Variants in ST7 observed in about 807,000 individuals in gnomAD.
ST7 encodes suppression of tumorigenicity 7, also known as suppressor of tumorigenicity 7 protein.
In ST7, 28 loss-of-function variants were observed where a neutral mutation model predicts 78.7. The observed-to-expected ratio is 0.36, with a 90% CI of 0.26 to 0.49. The LOEUF (loss-of-function observed/expected upper bound fraction) is 0.49, where lower values mean the gene tolerates loss of function less well. Among genes scored for constraint, ST7 ranks in the 20% least tolerant of loss-of-function variants. The pLI, the probability that ST7 is intolerant of heterozygous loss-of-function variation, is 0.99. For synonymous variants in ST7, 247 were observed against 249.6 expected (o/e 0.99, Z 0.10); for missense variants, 418 against 696.0 (o/e 0.60, Z 4.49).
chr7:117,138,672 C>A, intron 9 of ST7, 140 bp downstream of exon 9: 1 of 531,148 alleles, frequency 1.9e-6, no homozygotes, highest in Non-Finnish European at 3.4e-6. Context: ...CTCTAGTTCC[C>A]AATTTACTAG....
At chr7:116,979,810 C>T (rs1490587908) in intron 1 of ST7, among the ~76,000 whole-genome samples, 1 of 152,064 alleles carries the variant, frequency 6.6e-6, no homozygotes, top group Non-Finnish European at 1.5e-5. Flanking sequence ...TATCCTAGGC[C>T]TTCTACCGTG....
Position 117,022,290 on chromosome 7 carries a change from G to A in ST7, c.151+68599G>A, listed in dbSNP as rs139144929. Reference sequence around the variant, plus strand: ...AGGTTTTTAGCATTTTTTGTCTTTCGTGAGTGTTAAGCTCTGTTTCTTGCT... The same window carrying A: ...AGGTTTTTAGCATTTTTTGTCTTTCATGAGTGTTAAGCTCTGTTTCTTGCT... On this transcript the variant is annotated intron_variant, in intron 1 of 15. Transcript: ENST00000323984. Among the ~76,000 whole-genome samples the A allele has an allele frequency of 7.1e-3, 1,080 of 152,248 alleles. 10 individuals carry two copies. The highest frequency in any genetic ancestry group is 0.024 in the African/African-American group (1,011 of 41,538).
intron 1 of ST7, among the ~76,000 whole-genome samples, chr7:117,004,657 T>G (rs1795084128): frequency 6.6e-6 from 1 of 151,942 alleles, no homozygotes; most frequent in Admixed American, 6.6e-5. Flanking sequence ...CAACACCCTG[T>G]CTCAAAATAA....
Position 117,135,964 on chromosome 7 carries a change from C to T in ST7, c.711-117C>T, listed in dbSNP as rs557495455. The T allele has an allele frequency of 2.9e-6, 3 of 1,031,588 alleles. No individual in the cohort carries two copies. The South Asian group carries it at 4.6e-5, about 16-fold the overall frequency. The allele number at this position is 1,031,588 out of a possible 1,614,324, so 63.9% of individuals were successfully genotyped here. On this transcript the variant is annotated intron_variant, in intron 7 of 15. Transcript: ENST00000323984. ...GCAACTACAAACAGGAGTGCATGAACCAGTTGGCCACTCTGCATGTTTTGG... is the reference window on the plus strand; with the variant it reads ...GCAACTACAAACAGGAGTGCATGAATCAGTTGGCCACTCTGCATGTTTTGG...
At chr7:117,027,585 C>T (rs534588842) in intron 1 of ST7, among the ~76,000 whole-genome samples, 2 of 151,514 alleles carry the variant, frequency 1.3e-5, no homozygotes, top group South Asian at 2.1e-4. Flanking sequence ...CCAGAAATGT[C>T]TCTCTTTAGA....
At chr7:116,994,019 T>C (rs12155500) in intron 1 of ST7, among the ~76,000 whole-genome samples, 8,068 of 152,336 alleles carry the variant, frequency 0.053, 282 homozygotes, top group Non-Finnish European at 0.082. Flanking sequence ...TCATATCATT[T>C]ACCATTTTGA....
At chr7:117,176,043 A>G (rs1281493071) in intron 10 of ST7, among the ~76,000 whole-genome samples, 2 of 152,216 alleles carry the variant, frequency 1.3e-5, no homozygotes, top group Admixed American at 1.3e-4. Context: ...AAGACATGCC[A>G]GGGATTTTTA....
intron 1 of ST7, chr7:116,972,968 C>T (rs1420212718): frequency 3.4e-6 from 3 of 890,662 alleles, no homozygotes; most frequent in Non-Finnish European, 1.8e-6. Context: ...CTTGGTGTTG[C>T]AGCCTCCTCT....
Position 117,099,448 on chromosome 7 carries a change from A to G in ST7, c.152-314A>G, listed in dbSNP as rs150614816. Among the ~76,000 whole-genome samples, 833 of 152,338 alleles carry G rather than the reference A, an allele frequency of 5.5e-3. 4 individuals carry two copies. Among genetic ancestry groups the G allele is most frequent in the African/African-American group, 0.015 (620 of 41,576 alleles). On this transcript the variant is annotated intron_variant, in intron 1 of 15. Transcript: ENST00000323984. ...TTCTCTTTTTGGCTAACAGTTTTGTAATCAACTTTGATTAAACTCTTCCAT... is the reference window on the plus strand; with the variant it reads ...TTCTCTTTTTGGCTAACAGTTTTGTGATCAACTTTGATTAAACTCTTCCAT...
intron 1 of ST7, among the ~76,000 whole-genome samples, chr7:117,013,937 T>C (rs1795487342): frequency 6.6e-6 from 1 of 152,268 alleles, no homozygotes; most frequent in Admixed American, 6.5e-5. Flanking sequence ...GCACTTTTGA[T>C]ATTGTATTGA....
At chr7:117,169,885 C>T (rs983872341) in intron 9 of ST7, among the ~76,000 whole-genome samples, 27 of 146,968 alleles carry the variant, frequency 1.8e-4, no homozygotes, top group African/African-American at 6.5e-4. Context: ...TAAGCTTCTT[C>T]CCTGCCACCT....
intron 1 of ST7, among the ~76,000 whole-genome samples, chr7:116,975,153 G>A (rs907616611): frequency 2.0e-5 from 3 of 152,280 alleles, no homozygotes; most frequent in East Asian, 3.9e-4. Flanking sequence ...GGCAGAAGGC[G>A]AAGGAGGAGC....
chr7:117,137,506 C>A (rs1170761024), intron 8 of ST7, among the ~76,000 whole-genome samples: 2 of 152,066 alleles, frequency 1.3e-5, no homozygotes, highest in African/African-American at 2.4e-5. Flanking sequence ...TAAATTAAAT[C>A]TTTTCAACCT....
At position 116,975,114 on chromosome 7, in the gene ST7, C is replaced by T. The variant is rs540748207; in HGVS notation, c.151+21423C>T. ...AAAGAGGTTTAATGGACTCACAGTTCCACATGGCTGAGGAGGCTTCATAGT... is the reference window on the plus strand; with the variant it reads ...AAAGAGGTTTAATGGACTCACAGTTTCACATGGCTGAGGAGGCTTCATAGT... On this transcript the variant is annotated intron_variant, in intron 1 of 15. Transcript: ENST00000323984. 3.9e-5 allele frequency among the ~76,000 whole-genome samples: 6 copies of T among 152,280 alleles called. No homozygotes were observed. The South Asian group carries it at 1.2e-3, about 32-fold the overall frequency.
chr7:117,066,764 C>CAAAA (rs35246518), intron 1 of ST7, among the ~76,000 whole-genome samples: 114 of 74,734 alleles, frequency 1.5e-3, no homozygotes, highest in African/African-American at 5.9e-3. Flanking sequence ...GACTCCGTCT[C>CAAAA]AAAAAAAAAA....
chr7:117,052,187 T>C (rs1470116564), intron 1 of ST7, among the ~76,000 whole-genome samples: 3 of 152,190 alleles, frequency 2.0e-5, no homozygotes, highest in African/African-American at 7.2e-5. Context: ...CCATCACTTA[T>C]TGCTGTGGTG....
At chr7:117,210,439 G>T (rs981103423) in intron 13 of ST7, among the ~76,000 whole-genome samples, 1 of 152,214 alleles carries the variant, frequency 6.6e-6, no homozygotes, top group African/African-American at 2.4e-5. Context: ...TTTGCTAGGA[G>T]GTGTAGCATT....
chr7:117,037,422 AG>A (rs1796949828), intron 1 of ST7, among the ~76,000 whole-genome samples: 1 of 152,186 alleles, frequency 6.6e-6, no homozygotes, highest in African/African-American at 2.4e-5. Flanking sequence ...TGATCCAAAA[AG>A]GTTGGCCATG....
At chr7:117,125,099 G>A (rs1803718350) in intron 3 of ST7, among the ~76,000 whole-genome samples, 1 of 152,136 alleles carries the variant, frequency 6.6e-6, no homozygotes, top group Admixed American at 6.6e-5. Flanking sequence ...GATTATCTTA[G>A]CCAGTGTTTT....
Sources: gnomAD v4.1 joint callset for allele counts (sites outside exome capture counted in the v4.1 genomes callset) on GRCh38, gnomAD v4.1.1 for gene constraint, MANE v1.5 for transcripts, NCBI Gene and HGNC (gene_info 2026-07-23, HGNC 2026-07-21) for gene names.